The following SGCZ variants were observed in gnomAD, a reference collection of about 807,000 sequenced individuals.
The protein encoded by SGCZ is zeta-sarcoglycan.
In SGCZ, 40 loss-of-function variants were observed where a neutral mutation model predicts 41.3. The ratio of observed to expected loss-of-function variants is 0.97; its 90% CI spans 0.75 to 1.26. SGCZ has a LOEUF of 1.26. Ranked by LOEUF, SGCZ falls within the 50% of genes most tolerant of loss-of-function variation. The pLI, the probability that SGCZ is intolerant of heterozygous loss-of-function variation, is 0.00. For synonymous variants in SGCZ, 206 were observed against 137.5 expected (o/e 1.50, Z -3.49); for missense variants, 552 against 369.8 (o/e 1.49, Z -4.04).
At chr8:14,270,466 G>A (rs1047545958) in intron 3 of SGCZ, among the ~76,000 whole-genome samples, 1 of 152,102 alleles carries the variant, frequency 6.6e-6, no homozygotes, top group Admixed American at 6.5e-5. Flanking sequence ...AACCGATACG[G>A]CTTCAGTTTT....
intron 1 of SGCZ, among the ~76,000 whole-genome samples, chr8:15,089,559 T>C (rs1283220328): frequency 6.6e-6 from 1 of 152,134 alleles, no homozygotes; most frequent in Non-Finnish European, 1.5e-5. Context: ...ATCGAGTTTA[T>C]AGTAAAGATT....
intron 1 of SGCZ, among the ~76,000 whole-genome samples, chr8:15,034,257 G>A (rs1029104070): frequency 5.3e-5 from 8 of 152,036 alleles, no homozygotes; most frequent in African/African-American, 1.9e-4. Context: ...AATAAATTTA[G>A]CAGAGATATA....
At chr8:15,149,989 G>C (rs1366769036) in intron 1 of SGCZ, among the ~76,000 whole-genome samples, 1 of 152,134 alleles carries the variant, frequency 6.6e-6, no homozygotes, top group Non-Finnish European at 1.5e-5. Context: ...TATTTAGTTA[G>C]ATGGAAAAAA....
chr8:14,403,253 C>G (rs1248250412), intron 2 of SGCZ, among the ~76,000 whole-genome samples: 2 of 150,328 alleles, frequency 1.3e-5, no homozygotes, highest in African/African-American at 2.5e-5. Flanking sequence ...AATTTGACTT[C>G]CTCTTTTCCT....
In SGCZ at chr8:14,432,532, G is replaced by T. The variant is rs73517445; in HGVS notation, c.235-108328C>A. Among the ~76,000 whole-genome samples the T allele has an allele frequency of 7.0e-3, 1,063 of 152,254 alleles. 12 individuals are homozygous for T. The highest frequency in any genetic ancestry group is 0.024 in the African/African-American group (1,018 of 41,552). On this transcript the variant is annotated intron_variant, in intron 2 of 7. Transcript: ENST00000382080. ...ATGGACTTTGGGGACTCAGGGTAAA[G>T]GGTGAGAAGGGGGTGAGGGATACTG... is the stretch of plus-strand genomic sequence containing the variant.
At chr8:14,513,595 G>T (rs1359490031) in intron 2 of SGCZ, among the ~76,000 whole-genome samples, 2 of 118,104 alleles carry the variant, frequency 1.7e-5, no homozygotes, top group East Asian at 4.1e-4. Context: ...AATTATCTAA[G>T]AAAGAGATAA....
chr8:14,564,116 C>T lies in SGCZ; in HGVS notation c.40-9190G>A, dbSNP rs182237033. On this transcript the variant is annotated intron_variant, in intron 1 of 7. Coordinates refer to ENST00000382080, the MANE Select transcript of SGCZ (RefSeq NM_139167.4). ...AGAGAAGCATGTGAGTCCTGGATAG[C>T]AAGATAGATAATTTGAGAAATTGCT... is the stretch of plus-strand genomic sequence containing the variant. Among the ~76,000 whole-genome samples, 44 of 152,084 alleles carry T rather than the reference C, an allele frequency of 2.9e-4. No individual in the cohort carries two copies. In the East Asian group the frequency reaches 3.9e-3, roughly 13 times the overall value.
intron 1 of SGCZ, among the ~76,000 whole-genome samples, chr8:15,001,581 A>G (rs1382085761): frequency 6.6e-6 from 1 of 151,956 alleles, no homozygotes; most frequent in Non-Finnish European, 1.5e-5. Flanking sequence ...TGCAAAAAAT[A>G]AGCCGGACAT....
intron 2 of SGCZ, among the ~76,000 whole-genome samples, chr8:14,456,410 A>G (rs1334835834): frequency 1.3e-5 from 2 of 152,186 alleles, no homozygotes; most frequent in African/African-American, 4.8e-5. Flanking sequence ...CTCCATCTCA[A>G]AAAATTAAAA....
rs1801627632 is a variant in SGCZ at position 14,089,706 on chromosome 8, A to T, written c.*737T>A. On this transcript the variant is annotated 3_prime_UTR_variant, in exon 8 of 8. Coordinates refer to ENST00000382080, the MANE Select transcript of SGCZ (RefSeq NM_139167.4). Reference sequence around the variant, plus strand: ...GCAGTAGCCATGTAAATACTATATAAGGCCATCCAGATCTGACCAATGACA... The same window carrying T: ...GCAGTAGCCATGTAAATACTATATATGGCCATCCAGATCTGACCAATGACA... 1.3e-5 allele frequency among the ~76,000 whole-genome samples: 2 copies of T among 152,050 alleles called. No homozygotes were observed. Among genetic ancestry groups the T allele is most frequent in the African/African-American group, 4.8e-5 (2 of 41,432 alleles).
intron 2 of SGCZ, among the ~76,000 whole-genome samples, chr8:14,418,418 G>C (rs1016424857): frequency 3.9e-5 from 6 of 151,908 alleles, no homozygotes; most frequent in African/African-American, 1.2e-4. Context: ...ATTAGTTTGT[G>C]AGAGAAACGG....
chr8:14,308,702 CGT>C (rs1288936201), intron 3 of SGCZ, among the ~76,000 whole-genome samples: 4 of 151,744 alleles, frequency 2.6e-5, no homozygotes, highest in African/African-American at 9.7e-5. Context: ...ATGAAGATAC[CGT>C]GTGTTTCAAT....
intron 1 of SGCZ, among the ~76,000 whole-genome samples, chr8:14,632,176 G>A (rs1469378178): frequency 6.6e-6 from 1 of 151,844 alleles, no homozygotes; most frequent in African/African-American, 2.4e-5. Flanking sequence ...GCGCCACCAT[G>A]CCTGGCTAAT....
intron 2 of SGCZ, among the ~76,000 whole-genome samples, chr8:14,415,522 T>A (rs911224211): frequency 6.6e-6 from 1 of 151,892 alleles, no homozygotes; most frequent in Admixed American, 6.6e-5. Context: ...GTCAGAATGC[T>A]TTATTCTGTC....
At chr8:14,221,815 T>C (rs1159004880) in intron 4 of SGCZ, among the ~76,000 whole-genome samples, 3 of 151,922 alleles carry the variant, frequency 2.0e-5, no homozygotes, top group African/African-American at 7.3e-5. Flanking sequence ...CGTGTGCCTG[T>C]AATCTCAGCT....
intron 1 of SGCZ, among the ~76,000 whole-genome samples, chr8:14,870,917 C>T (rs1032268971): frequency 4.6e-5 from 7 of 152,084 alleles, no homozygotes; most frequent in Non-Finnish European, 7.4e-5. Context: ...ATTAAAAAGT[C>T]AGGAAACAGG....
chr8:14,507,722 G>A (rs1038955809), intron 2 of SGCZ, among the ~76,000 whole-genome samples: 1 of 148,844 alleles, frequency 6.7e-6, no homozygotes, highest in African/African-American at 2.5e-5. Flanking sequence ...CTTCTTTTAG[G>A]TTTTAATTTC....
chr8:14,788,186 ACT>A (rs1800832896), intron 1 of SGCZ, among the ~76,000 whole-genome samples: 1 of 152,118 alleles, frequency 6.6e-6, no homozygotes, highest in East Asian at 1.9e-4. Context: ...GGGATAAAGG[ACT>A]AAGTCTTCTA....
chr8:14,527,584 C>T (rs1802992964), intron 2 of SGCZ, among the ~76,000 whole-genome samples: 1 of 152,060 alleles, frequency 6.6e-6, no homozygotes, highest in Non-Finnish European at 1.5e-5. Context: ...AATGCCACGC[C>T]ATGATGTCAT....
Sources: allele counts gnomAD v4.1 joint callset (sites outside exome capture counted in the v4.1 genomes callset), GRCh38; gene constraint gnomAD v4.1.1; transcripts MANE v1.5; gene names NCBI Gene and HGNC (gene_info 2026-07-23, HGNC 2026-07-21).